The following XIAP variants were observed in gnomAD, a reference collection of about 807,000 sequenced individuals.
XIAP encodes X-linked inhibitor of apoptosis, also known as E3 ubiquitin-protein ligase XIAP.
A neutral mutation model predicts 33.1 loss-of-function variants in XIAP; 3 were observed. That is an observed-to-expected ratio of 0.09 (90% CI 0.04 to 0.23). The LOEUF (loss-of-function observed/expected upper bound fraction) is 0.23. Ranked by LOEUF, XIAP falls within the 10% of genes least tolerant of loss-of-function variation. XIAP has a pLI of 1.00. For synonymous variants in XIAP, 98 were observed against 121.3 expected (o/e 0.81, Z 1.26); for missense variants, 264 against 363.0 (o/e 0.73, Z 2.22).
rs1385633886 is a variant in XIAP at position 123,892,781 on chromosome X, T to C, written c.1099+8T>C. 2 of 1,179,033 alleles carry C rather than the reference T, an allele frequency of 1.7e-6. No individual in the cohort carries two copies. The highest frequency in any genetic ancestry group is 3.5e-5 in the African/African-American group (2 of 56,643). On this transcript the variant is annotated splice_region_variant and intron_variant, in intron 5 of 6. Coordinates refer to ENST00000371199, the MANE Select transcript of XIAP (RefSeq NM_001167.4). Reference sequence around the variant, plus strand: ...CACTAACTAGAAGAATTGGTAAATATGCTTGTTAACTATCCTTTTAATTTA... The same window carrying C: ...CACTAACTAGAAGAATTGGTAAATACGCTTGTTAACTATCCTTTTAATTTA...
At chrX:123,887,701 T>C (rs905380039) in intron 2 of XIAP, among the ~76,000 whole-genome samples, 4 of 111,159 alleles carry the variant, frequency 3.6e-5, no homozygotes, top group Non-Finnish European at 7.5e-5. Context: ...AAAGAAAGTA[T>C]GGCCGGGCGC....
chrX:123,862,712 G>A (rs778716229), intron 1 of XIAP, among the ~76,000 whole-genome samples: 43 of 108,974 alleles, frequency 3.9e-4, no homozygotes, highest in Middle Eastern at 4.8e-3. Context: ...AAAACTAGCC[G>A]GGTGTGGTGG....
intron 2 of XIAP, among the ~76,000 whole-genome samples, chrX:123,887,996 AT>A (rs2053367908): frequency 2.1e-5 from 2 of 96,504 alleles, no homozygotes; most frequent in Non-Finnish European, 4.1e-5. Context: ...GAAAAAAATA[AT>A]AATAATTAAT....
At chrX:123,879,018 G>T in intron 1 of XIAP, 1 of 115,174 alleles carries the variant, frequency 8.7e-6, no homozygotes, top group African/African-American at 3.2e-5. Context: ...ACTTGATTGA[G>T]ATGCTTCCCT....
At chrX:123,863,883 A>G (rs1383827804) in intron 1 of XIAP, among the ~76,000 whole-genome samples, 1 of 111,841 alleles carries the variant, frequency 8.9e-6, no homozygotes, top group African/African-American at 3.2e-5. Flanking sequence ...CTTGGACTAG[A>G]GTCTAGGTTC....
At chrX:123,860,668 G>C in intron 1 of XIAP, 1 of 144,642 alleles carries the variant, frequency 6.9e-6, no homozygotes, top group Admixed American at 7.6e-5. Flanking sequence ...GAAACTGAAA[G>C]AATAAGGGCC....
Position 123,872,337 on chromosome X carries a change from T to G in XIAP, c.-33+12044T>G, listed in dbSNP as rs2053202161. Among the ~76,000 whole-genome samples, 4 of 108,412 alleles carry G rather than the reference T, an allele frequency of 3.7e-5. No individual in the cohort carries two copies. In the South Asian group the frequency reaches 1.6e-3, roughly 43 times the overall value. The allele number at this position is 108,412 out of a possible 115,157, so 94.1% of individuals were successfully genotyped here. ...AAGTCCTTTTTTTTTTTTCGTCCTT[T>G]TTTTTTTTGGCACACTAGTGTCTCA... On this transcript the variant is annotated intron_variant, in intron 1 of 6. Transcript: ENST00000371199.
chrX:123,895,914 A>G (rs2053455842), intron 5 of XIAP, among the ~76,000 whole-genome samples: 1 of 109,540 alleles, frequency 9.1e-6, no homozygotes, highest in Non-Finnish European at 1.9e-5. Context: ...GGTGCTCACC[A>G]CCATACCTGG....
chrX:123,904,642 G>A (rs1445586112), intron 6 of XIAP, among the ~76,000 whole-genome samples: 1 of 108,500 alleles, frequency 9.2e-6, no homozygotes, highest in Non-Finnish European at 1.9e-5. Context: ...TTTTTCTTGA[G>A]ACAGGGTCTC....
chrX:123,863,307 T>G (rs2053098505), intron 1 of XIAP, among the ~76,000 whole-genome samples: 1 of 107,342 alleles, frequency 9.3e-6, no homozygotes. Context: ...AAAAATTAGC[T>G]GGGTGTGGCG....
chrX:123,904,575 T>C (rs1461788508), intron 6 of XIAP, among the ~76,000 whole-genome samples: 3 of 110,675 alleles, frequency 2.7e-5, no homozygotes, highest in Non-Finnish European at 5.7e-5. Context: ...AGGAGCTCCT[T>C]CTTATCTACT....
chrX:123,912,263 A>G lies in XIAP; in HGVS notation c.*5082A>G. On this transcript the variant is annotated 3_prime_UTR_variant, in exon 7 of 7. Coordinates refer to ENST00000371199, the MANE Select transcript of XIAP (RefSeq NM_001167.4). ...ATAAAAAAAAAAAATACAAAATAAT[A>G]CAAAGAAAAAGCCAAAATTGTCATA... 1 of 310,958 alleles carries G rather than the reference A, an allele frequency of 3.2e-6. No homozygotes were observed. The highest frequency in any genetic ancestry group is 2.8e-5 in the African/African-American group (1 of 36,359). The allele number at this position is 310,958 out of a possible 1,213,427, so 25.6% of individuals were successfully genotyped here. A position where few individuals can be genotyped will look rare whatever the true frequency, so the allele number is the denominator to read the frequency against.
At chrX:123,899,119 C>CA (rs1187328706) in intron 5 of XIAP, among the ~76,000 whole-genome samples, 4,492 of 7,196 alleles carry the variant, frequency 0.62, 1,801 homozygotes, top group South Asian at 1. Flanking sequence ...GACTACGTCT[C>CA]AAAAAAAAAA....
intron 3 of XIAP, among the ~76,000 whole-genome samples, chrX:123,888,976 T>C (rs1352532994): frequency 9.0e-6 from 1 of 110,841 alleles, no homozygotes; most frequent in Non-Finnish European, 1.9e-5. Flanking sequence ...TGGAGTGCAG[T>C]GGTGCAATCT....
At chrX:123,866,269 C>T (rs899606743) in intron 1 of XIAP, among the ~76,000 whole-genome samples, 2 of 108,885 alleles carry the variant, frequency 1.8e-5, no homozygotes, top group African/African-American at 6.7e-5. Context: ...GACAGGATTT[C>T]ACCATGTTGC....
chrX:123,905,927 C>G (rs1441226081), intron 6 of XIAP, among the ~76,000 whole-genome samples: 1 of 112,145 alleles, frequency 8.9e-6, no homozygotes, highest in African/African-American at 3.2e-5. Context: ...TGAATGGAGC[C>G]CAGAAATCCG....
chrX:123,863,208 T>C (rs772991009), intron 1 of XIAP, among the ~76,000 whole-genome samples: 1 of 111,720 alleles, frequency 9.0e-6, no homozygotes, highest in South Asian at 3.8e-4. Flanking sequence ...CCCAGCACTT[T>C]GGGAGGCTGA....
At chrX:123,874,479 T>TA (rs1269304383) in intron 1 of XIAP, 1 of 111,221 alleles carries the variant, frequency 9.0e-6, no homozygotes, top group Non-Finnish European at 1.9e-5. Context: ...TGGCAGTACA[T>TA]ATACTAAAAT....
intron 5 of XIAP, among the ~76,000 whole-genome samples, chrX:123,895,330 A>G (rs1416476971): frequency 8.9e-6 from 1 of 112,103 alleles, no homozygotes; most frequent in African/African-American, 3.2e-5. Flanking sequence ...ATAATACCAC[A>G]TTTTGTTTAT....
Sources: gnomAD v4.1 joint callset for allele counts (sites outside exome capture counted in the v4.1 genomes callset) on GRCh38, gnomAD v4.1.1 for gene constraint, MANE v1.5 for transcripts, NCBI Gene and HGNC (gene_info 2026-07-23, HGNC 2026-07-21) for gene names.